HDAC9: variants seen among roughly 807,000 people sequenced by gnomAD.
HDAC9 encodes MEF-2 interacting transcription repressor (MITR) protein.
Under a neutral mutation model 139.4 loss-of-function variants are expected in HDAC9, and 41 were observed. The observed-to-expected ratio is 0.29, with a 90% CI of 0.23 to 0.38. The LOEUF (loss-of-function observed/expected upper bound fraction) is 0.38. Among genes scored for constraint, HDAC9 ranks in the 10% least tolerant of loss-of-function variants. The pLI, the probability that HDAC9 is intolerant of heterozygous loss-of-function variation, is 1.00. For missense variants in HDAC9, 1,147 were observed against 1,297.0 expected (o/e 0.88, Z 1.78); for synonymous variants, 517 against 476.2 (o/e 1.09, Z -1.12).
chr7:18,857,788 A>G (rs1797800896), intron 21 of HDAC9, among the ~76,000 whole-genome samples: 1 of 152,144 alleles, frequency 6.6e-6, no homozygotes, highest in South Asian at 2.1e-4. Context: ...AAATGAAAAA[A>G]TCTATGAAAA....
At chr7:18,386,940 T>C (rs888925485) in intron 1 of HDAC9, among the ~76,000 whole-genome samples, 3 of 152,158 alleles carry the variant, frequency 2.0e-5, no homozygotes, top group Non-Finnish European at 4.4e-5. Flanking sequence ...TCTCTTACCA[T>C]TTTCTTCACC....
intron 24 of HDAC9, among the ~76,000 whole-genome samples, chr7:18,955,392 TCTC>T (rs1174314502): frequency 2.6e-5 from 4 of 152,154 alleles, no homozygotes; most frequent in African/African-American, 9.6e-5. Flanking sequence ...ACAGCATTCT[TCTC>T]TTCATCCACA....
At chr7:18,232,863 A>C (rs991817149) in intron 2 of HDAC9, among the ~76,000 whole-genome samples, 4 of 152,162 alleles carry the variant, frequency 2.6e-5, no homozygotes, top group Non-Finnish European at 5.9e-5. Context: ...TAAATCCACT[A>C]TTATCATTCT....
intron 22 of HDAC9, among the ~76,000 whole-genome samples, chr7:18,926,427 T>C (rs1230363524): frequency 3.9e-5 from 6 of 152,216 alleles, no homozygotes. Flanking sequence ...GCAGTTGGCC[T>C]TTAATGATTA....
chr7:18,356,362 T>TTG (rs1554388629), intron 1 of HDAC9, among the ~76,000 whole-genome samples: 4 of 128,354 alleles, frequency 3.1e-5, no homozygotes, highest in African/African-American at 1.1e-4. Flanking sequence ...ACATAGGTTT[T>TTG]TTTTTTTTTT....
intron 12 of HDAC9, among the ~76,000 whole-genome samples, chr7:18,685,012 C>G (rs1034102125): frequency 3.3e-5 from 5 of 152,032 alleles, no homozygotes; most frequent in African/African-American, 1.2e-4. Flanking sequence ...TTTTCCTCCT[C>G]AAGGTCCTCC....
chr7:18,809,221 T>G (rs1387738318), intron 17 of HDAC9, among the ~76,000 whole-genome samples: 4 of 151,970 alleles, frequency 2.6e-5, no homozygotes, highest in Non-Finnish European at 5.9e-5. Context: ...ACATAAGACA[T>G]GAAACTATAA....
At chr7:18,222,638 T>G (rs1792785221) in intron 2 of HDAC9, among the ~76,000 whole-genome samples, 1 of 152,156 alleles carries the variant, frequency 6.6e-6, no homozygotes, top group Non-Finnish European at 1.5e-5. Flanking sequence ...GAACTTGTTA[T>G]TTGCAAATGT....
At chr7:18,580,336 T>C (rs1430661283) in intron 2 of HDAC9, among the ~76,000 whole-genome samples, 4 of 152,144 alleles carry the variant, frequency 2.6e-5, no homozygotes, top group African/African-American at 9.7e-5. Flanking sequence ...GGAATAACTA[T>C]TGAACAAATA....
chr7:18,910,718 G>A (rs1276525659), intron 22 of HDAC9, among the ~76,000 whole-genome samples: 1 of 151,878 alleles, frequency 6.6e-6, no homozygotes, highest in Non-Finnish European at 1.5e-5. Context: ...TGATCGTATG[G>A]CTTTCATCTT....
intron 22 of HDAC9, among the ~76,000 whole-genome samples, chr7:18,912,947 A>G (rs2129290223): frequency 1.3e-5 from 2 of 152,224 alleles, no homozygotes; most frequent in South Asian, 4.1e-4. Flanking sequence ...TTAGTAATTC[A>G]CTGCACTGTA....
intron 9 of HDAC9, among the ~76,000 whole-genome samples, chr7:18,646,933 A>G (rs544056438): frequency 6.1e-4 from 93 of 152,256 alleles, no homozygotes; most frequent in Middle Eastern, 3.4e-3. Context: ...AGATTTGGGT[A>G]TCTGTTATGA....
At position 18,935,046 on chromosome 7, in the gene HDAC9, A is replaced by G. The variant is rs180904436; in HGVS notation, c.2804-763A>G. ...AAATAGCAAGTTGCAAAAGTGTAAA[A>G]CCATTTTTATAAAGTTGAAAAACAA... On this transcript the variant is annotated intron_variant, in intron 22 of 25. Coordinates refer to ENST00000686413, the MANE Select transcript of HDAC9 (RefSeq NM_178425.4). Among the ~76,000 whole-genome samples, 11 of 152,290 alleles carry G rather than the reference A, an allele frequency of 7.2e-5. No homozygotes were observed. The East Asian group carries it at 2.1e-3, about 29-fold the overall frequency.
At chr7:18,112,965 G>T (rs1208427709) in intron 1 of HDAC9, among the ~76,000 whole-genome samples, 1 of 152,162 alleles carries the variant, frequency 6.6e-6, no homozygotes, top group Admixed American at 6.5e-5. Context: ...AGCCAGTAGA[G>T]AGGGAGAGAT....
At chr7:18,609,342 C>G (rs1316813829) in intron 6 of HDAC9, among the ~76,000 whole-genome samples, 1 of 152,104 alleles carries the variant, frequency 6.6e-6, no homozygotes, top group Non-Finnish European at 1.5e-5. Context: ...TAGCTCATAA[C>G]TAATTTTGTT....
intron 22 of HDAC9, among the ~76,000 whole-genome samples, chr7:18,885,586 TAAC>T (rs1294686721): frequency 6.6e-6 from 1 of 152,216 alleles, no homozygotes; most frequent in Non-Finnish European, 1.5e-5. Context: ...AGATGAAGAC[TAAC>T]AAAACCACAA....
At chr7:18,551,226 A>G (rs1316090576) in intron 2 of HDAC9, among the ~76,000 whole-genome samples, 1 of 152,178 alleles carries the variant, frequency 6.6e-6, no homozygotes, top group Non-Finnish European at 1.5e-5. Context: ...GGGGAATGTC[A>G]GGAGATCTTT....
At chr7:18,728,304 C>T (rs144622634) in intron 13 of HDAC9, among the ~76,000 whole-genome samples, 125 of 152,084 alleles carry the variant, frequency 8.2e-4, no homozygotes, top group African/African-American at 3.0e-3. Flanking sequence ...TTTCGACCAA[C>T]CTCTTCCTTT....
intron 21 of HDAC9, among the ~76,000 whole-genome samples, chr7:18,847,641 A>G (rs1797000000): frequency 6.6e-6 from 1 of 152,194 alleles, no homozygotes; most frequent in African/African-American, 2.4e-5. Flanking sequence ...TGGTTACACA[A>G]AAGGGCTCCC....
Sources: allele counts gnomAD v4.1 joint callset (sites outside exome capture counted in the v4.1 genomes callset), GRCh38; gene constraint gnomAD v4.1.1; transcripts MANE v1.5; gene names NCBI Gene and HGNC (gene_info 2026-07-23, HGNC 2026-07-21).